Variants in ZNF606 observed in about 807,000 individuals in gnomAD.
ZNF606 encodes the protein zinc finger protein 328.
ZNF606 carries 37 observed loss-of-function variants against 74.9 expected under a neutral mutation model. That is an observed-to-expected ratio of 0.49 (90% CI 0.38 to 0.65). The LOEUF (loss-of-function observed/expected upper bound fraction) is 0.65. Ranked by LOEUF, ZNF606 falls within the 30% of genes least tolerant of loss-of-function variation. ZNF606 has a pLI of 0.00. For missense variants in ZNF606, 852 were observed against 952.9 expected (o/e 0.89, Z 1.39); for synonymous variants, 328 against 312.4 (o/e 1.05, Z -0.53).
At chr19:58,003,109 G>C (rs750664295), upstream of ZNF606, 1 of 412,902 alleles carries the variant, frequency 2.4e-6, no homozygotes, top group Non-Finnish European at 5.0e-6. Flanking sequence ...GTGGTACCGG[G>C]TTTCCCGGGA....
chr19:57,986,929 A>T (rs58061392), intron 6 of ZNF606, among the ~76,000 whole-genome samples: 2,162 of 151,810 alleles, frequency 0.014, 63 homozygotes, highest in African/African-American at 0.048. Context: ...ACAAAAAAAA[A>T]TTTTTTTTTA....
At chr19:57,994,695 C>G (rs1244640037) in intron 4 of ZNF606, among the ~76,000 whole-genome samples, 1 of 152,156 alleles carries the variant, frequency 6.6e-6, no homozygotes. Context: ...CTTAAGCTCA[C>G]TAGCAATCAA....
At position 57,978,835 on chromosome 19, in the gene ZNF606, C is replaced by T. The variant is rs1036268442; in HGVS notation, c.1845G>A (p.Glu615=). The stretch of plus-strand genomic sequence containing the variant: ...AGGGCTTAATTCCAGAATGAATTAT[C>T]TCATGTTTAGTGAGGGCTGAGCGTT... ...FRERSALTKH[E]IIHSGIKPYE... Residue 615 remains glutamate (E), a synonymous_variant, in exon 7 of 7, where the codon GAG becomes GAA. Transcript: ENST00000551380. This position sits in a 1 kb window ranked among gnomAD's most constrained non-coding sequence, Gnocchi z 4.4. The T allele has an allele frequency of 1.2e-6, 2 of 1,614,108 alleles. No individual in the cohort carries two copies. The highest frequency in any genetic ancestry group is 1.7e-6 in the Non-Finnish European group (2 of 1,180,018).
In ZNF606 at chr19:58,001,271, A is replaced by C; in HGVS notation, c.31+18T>G. On this transcript the variant is annotated intron_variant, in intron 2 of 6. Transcript: ENST00000551380. ...CTAATGATAGGGGAGGCCCAGGAGA[A>C]ACACAACTTGGACTCACCCCAGGAG... 6.2e-7 allele frequency: 1 copy of C among 1,614,046 alleles called. No individual in the cohort carries two copies. Among genetic ancestry groups the C allele is most frequent in the Non-Finnish European group, 8.5e-7 (1 of 1,180,006 alleles).
chr19:57,979,857 G>C lies in ZNF606; in HGVS notation c.823C>G (p.Gln275Glu). ...TGTATTCTTGCAGGGTAAATAGGTT[G>C]AATGGACTGATAAACAGTTTTGTCA... The part of the protein sequence containing the change: ...DYDKTVYQSI[Q>E]PIYPARIQTG... The change falls in exon 7 of 7, where the codon CAA (glutamine) becomes GAA (glutamate). Residue 275 changes from glutamine (Q) to glutamate (E), a missense_variant. Around this residue, in one of 3 missense-constraint regions of ZNF606, gnomAD observed 545 missense variants for 542.5 expected, o/e 1.00. Transcript: ENST00000551380. 1.9e-6 allele frequency: 3 copies of C among 1,613,636 alleles called. No homozygotes were observed. The highest frequency in any genetic ancestry group is 2.5e-6 in the Non-Finnish European group (3 of 1,180,008).
chr19:57,999,736 G>C, intron 4 of ZNF606, 72 bp downstream of exon 4: 2 of 1,461,238 alleles, frequency 1.4e-6, no homozygotes, highest in Non-Finnish European at 1.9e-6. Flanking sequence ...GTAAACTGGA[G>C]AGCCGCATCA....
At chr19:58,000,588 C>T in intron 3 of ZNF606, 95 bp downstream of exon 3, 4 of 1,351,012 alleles carry the variant, frequency 3.0e-6, no homozygotes, top group Non-Finnish European at 4.2e-6. Flanking sequence ...CCCTAAAGCC[C>T]CACCTGGTCC....
At chr19:58,002,853 G>A (rs762735608), upstream of ZNF606, 2 of 439,104 alleles carry the variant, frequency 4.6e-6, no homozygotes, top group Non-Finnish European at 9.1e-6. Flanking sequence ...GGGAGCTGTA[G>A]TTCCAGGCGG....
At chr19:57,994,716 A>G (rs1568582259) in intron 4 of ZNF606, among the ~76,000 whole-genome samples, 1 of 152,248 alleles carries the variant, frequency 6.6e-6, no homozygotes, top group Non-Finnish European at 1.5e-5. Context: ...GAAGATGCAC[A>G]TTAAAGGAAT....
chr19:57,983,614 C>T (rs953568275), intron 6 of ZNF606, among the ~76,000 whole-genome samples: 7 of 151,804 alleles, frequency 4.6e-5, no homozygotes, highest in African/African-American at 1.7e-4. Flanking sequence ...AAATATCACT[C>T]TGAGATGGTG....
intron 6 of ZNF606, 28 bp from the exon 7 acceptor site, chr19:57,980,307 G>A: frequency 1.3e-6 from 2 of 1,566,650 alleles, no homozygotes; most frequent in Non-Finnish European, 8.6e-7. Flanking sequence ...AAAGCTATGA[G>A]AGCATAGAGA....
Position 57,978,939 on chromosome 19 carries a change from A to C in ZNF606, c.1741T>G (p.Ser581Ala), listed in dbSNP as rs2073032300. 3.7e-6 allele frequency: 6 copies of C among 1,614,134 alleles called. No individual in the cohort carries two copies. Among genetic ancestry groups the C allele is most frequent in the Non-Finnish European group, 5.1e-6 (6 of 1,180,022 alleles). Residue 581 changes from serine (S) to alanine (A), a missense_variant, in exon 7 of 7, where the codon TCC (serine) becomes GCC (alanine). Ser to Ala is a moderately conservative substitution (Grantham distance 99). Around this residue, in one of 3 missense-constraint regions of ZNF606, gnomAD observed 243 missense variants for 359.2 expected, o/e 0.68. Coordinates refer to ENST00000551380, the MANE Select transcript of ZNF606 (RefSeq NM_001348022.3). This position sits in a 1 kb window ranked among gnomAD's most constrained non-coding sequence, Gnocchi z 4.4. ...GTTCTCTGATGGGCAATAAGATGGG[A>C]GCTCCAGCTGAAGGATTTTCCACAT... ...TECGKSFSWS[S>A]HLIAHQRTHT...
At chr19:57,997,930 C>T (rs1052780989) in intron 4 of ZNF606, 6 of 152,194 alleles carry the variant, frequency 3.9e-5, no homozygotes, top group African/African-American at 1.2e-4. Flanking sequence ...TTCTGCTTCC[C>T]ATCTCACCTG....
At chr19:58,002,128 C>G (rs868277363) in intron 1 of ZNF606, 2 of 455,944 alleles carry the variant, frequency 4.4e-6, no homozygotes, top group Middle Eastern at 6.5e-4. Flanking sequence ...CCGTACTTTG[C>G]ACCATTATTT....
At chr19:57,988,859 T>C (rs1225288373) in intron 4 of ZNF606, 138 bp from the exon 5 acceptor site, 11 of 1,381,734 alleles carry the variant, frequency 8.0e-6, no homozygotes, top group South Asian at 5.1e-5. Context: ...GTCTGACTAA[T>C]GTGAGTCAGG....
intron 1 of ZNF606, chr19:58,002,051 A>G (rs993218252): frequency 7.4e-6 from 3 of 405,124 alleles, no homozygotes; most frequent in African/African-American, 4.1e-5. Flanking sequence ...GGGTATGTGT[A>G]TAAAGCACTA....
intron 6 of ZNF606, among the ~76,000 whole-genome samples, chr19:57,987,958 T>C (rs868423361): frequency 2.0e-5 from 3 of 152,124 alleles, no homozygotes; most frequent in Non-Finnish European, 4.4e-5. Flanking sequence ...AGAGGTAACC[T>C]TAGAGGCAAC....
rs1047701899 is a variant in ZNF606 at position 58,002,718 on chromosome 19, G to A, written c.-374C>T. 2.7e-5 allele frequency: 12 copies of A among 446,836 alleles called. No individual in the cohort carries two copies. The highest frequency in any genetic ancestry group is 2.6e-4 in the African/African-American group (12 of 46,706). 27.7% of individuals were successfully genotyped at this position (446,836 alleles called of 1,614,324 possible). On this transcript the variant is annotated 5_prime_UTR_variant, in exon 1 of 7. Transcript: ENST00000551380. ...ACCCTGACGCCGCCTCTCCCAGCCG[G>A]CTCTCCTGACCCCCCAAGCCCCGCA...
chr19:58,000,165 C>T (rs767281675), intron 3 of ZNF606: 25 of 508,264 alleles, frequency 4.9e-5, no homozygotes, highest in South Asian at 9.6e-5. Flanking sequence ...GAACCCTAAA[C>T]GGCCACACAT....
Sources: allele counts gnomAD v4.1 joint callset (sites outside exome capture counted in the v4.1 genomes callset), GRCh38; gene constraint gnomAD v4.1.1; regional missense constraint gnomAD v4.1.1; non-coding constraint Gnocchi (gnomAD v3.1); transcripts MANE v1.5; gene names NCBI Gene and HGNC (gene_info 2026-07-23, HGNC 2026-07-21).